The following HDAC6 variants were observed in gnomAD, a reference collection of about 807,000 sequenced individuals.
The protein encoded by HDAC6 is protein deacetylase HDAC6.
In HDAC6, 5 loss-of-function variants were observed where a neutral mutation model predicts 88.9. The ratio of observed to expected loss-of-function variants is 0.06; its 90% CI spans 0.03 to 0.12. The LOEUF is 0.12. HDAC6 is among the 10% of genes least tolerant of loss of function. The probability of loss-of-function intolerance (pLI) is 1.00; values close to 1 mark genes in which losing one functional copy is unlikely to be tolerated. For missense variants in HDAC6, 706 were observed against 1,014.4 expected (o/e 0.70, Z 4.13); for synonymous variants, 378 against 398.0 (o/e 0.95, Z 0.60).
At position 48,815,714 on chromosome X, in the gene HDAC6, TC is replaced by T; in HGVS notation, c.1324+74del. The T allele has an allele frequency of 7.4e-6, 8 of 1,081,530 alleles. No homozygotes were observed. The South Asian group carries it at 1.3e-4, about 18-fold the overall frequency. The allele number at this position is 1,081,530 out of a possible 1,213,427, so 89.1% of individuals were successfully genotyped here. A position where few individuals can be genotyped will look rare whatever the true frequency, so the allele number is the denominator to read the frequency against. On this transcript the variant is annotated intron_variant, in intron 16 of 28. Transcript: ENST00000334136. ...CCCTGGGGGAGACTGTCTTCAGACT[TC>T]CTCTGACTTTACTGGGCTGCCTTGG...
At chrX:48,812,993 C>T (rs1368167907) in intron 10 of HDAC6, among the ~76,000 whole-genome samples, 2 of 111,474 alleles carry the variant, frequency 1.8e-5, no homozygotes, top group Admixed American at 1.9e-4. Context: ...CTGCAACCTC[C>T]GCCTCCTGGG....
At position 48,814,609 on chromosome X, in the gene HDAC6, C is replaced by A. The variant is rs191082746; in HGVS notation, c.933+43C>A. ...TCTGCCCCCAAAGTGAGGCCCAGCC[C>A]CGCCCTTCTGTCAGCGGCTCGGGAC... On this transcript the variant is annotated intron_variant, in intron 11 of 28. Transcript: ENST00000334136. 1.9e-3 allele frequency: 2,253 copies of A among 1,206,679 alleles called. 3 individuals are homozygous for A. The highest frequency in any genetic ancestry group is 2.3e-3 in the Non-Finnish European group (2,034 of 892,189).
At position 48,814,274 on chromosome X, in the gene HDAC6, A is replaced by G. The variant is rs1376486726; in HGVS notation, c.807-166A>G. ...AATGTAAGGGTAAATTAATGGAAGA[A>G]TGGATTCATGGATTAAATAATTAAT... is the stretch of plus-strand genomic sequence containing the variant. On this transcript the variant is annotated intron_variant, in intron 10 of 28. Transcript: ENST00000334136. 1.6e-5 allele frequency: 8 copies of G among 493,850 alleles called. No individual in the cohort carries two copies. The Admixed American group carries it at 3.0e-4, about 19-fold the overall frequency. 40.7% of individuals were successfully genotyped at this position (493,850 alleles called of 1,213,427 possible).
At chrX:48,817,576 A>G in intron 20 of HDAC6, 117 bp downstream of exon 20, 1 of 720,534 alleles carries the variant, frequency 1.4e-6, no homozygotes, top group Non-Finnish European at 2.0e-6. Flanking sequence ...CTTCCCCAGA[A>G]AGAAGTAAGG....
At chrX:48,820,821 G>GT (rs2063068584) in intron 23 of HDAC6, among the ~76,000 whole-genome samples, 1 of 110,379 alleles carries the variant, frequency 9.1e-6, no homozygotes, top group East Asian at 2.8e-4. Context: ...TTTGGATCTG[G>GT]TTTTTTGTTG....
chrX:48,816,312 G>T (rs782474120), intron 18 of HDAC6, 43 bp downstream of exon 18: 1 of 1,182,486 alleles, frequency 8.5e-7, no homozygotes, highest in Non-Finnish European at 1.1e-6. Context: ...CCAGGACTGT[G>T]GATGAGGTCT....
At chrX:48,822,548 C>T (rs1201555146) in intron 23 of HDAC6, 72 bp from the exon 24 acceptor site, 2 of 856,535 alleles carry the variant, frequency 2.3e-6, no homozygotes, top group South Asian at 2.7e-5. Context: ...ATTGGGGAGG[C>T]AGGACATGTT....
intron 10 of HDAC6, 124 bp from the exon 11 acceptor site, chrX:48,814,316 G>T (rs2062947245): frequency 1.5e-6 from 1 of 648,212 alleles, no homozygotes; most frequent in African/African-American, 2.2e-5. Context: ...ATTAATGAAT[G>T]AGAGAATGAA....
At chrX:48,818,002 T>C in intron 20 of HDAC6, 39 bp from the exon 21 acceptor site, 2 of 1,140,987 alleles carry the variant, frequency 1.8e-6, no homozygotes, top group Non-Finnish European at 2.4e-6. Flanking sequence ...TTCCAGGGCG[T>C]GAGTATCGTC....
Position 48,808,020 on chromosome X carries a change from T to G in HDAC6, c.633-13T>G, listed in dbSNP as rs2062844966. ...TCACATACTCCAAGCTGTTATTTCCTTGTCTTGCCCAGGCCTCCTGGACAT... is the reference window on the plus strand; with the variant it reads ...TCACATACTCCAAGCTGTTATTTCCGTGTCTTGCCCAGGCCTCCTGGACAT... On this transcript the variant is annotated splice_polypyrimidine_tract_variant and intron_variant, in intron 8 of 28. Transcript: ENST00000334136. 1 of 1,162,453 alleles carries G rather than the reference T, an allele frequency of 8.6e-7. No individual in the cohort carries two copies.
intron 10 of HDAC6, 60 bp downstream of exon 10, chrX:48,808,386 C>T: frequency 1.2e-6 from 1 of 854,987 alleles, no homozygotes; most frequent in Non-Finnish European, 1.7e-6. Context: ...CTTACAGGCC[C>T]AGCCAGAAGG....
At chrX:48,814,348 G>A in intron 10 of HDAC6, 92 bp from the exon 11 acceptor site, 1 of 904,919 alleles carries the variant, frequency 1.1e-6, no homozygotes, top group South Asian at 2.3e-5. Flanking sequence ...ATGGGGAAAT[G>A]AGTGGTAGAG....
At position 48,823,786 on chromosome X, in the gene HDAC6, G is replaced by GT. The variant is rs782585905; in HGVS notation, c.3303+2dup. ...GGGATCTAGGGGCCTCACTGATCAG[G>GT]TGAGCTCAGGGAGAGGCTGGGACTG... On this transcript the variant is annotated splice_donor_variant, in intron 26 of 28. Transcript: ENST00000334136. LOFTEE classifies it high-confidence loss of function. The GT allele has an allele frequency of 4.2e-6, 5 of 1,198,429 alleles. No individual in the cohort carries two copies. Among genetic ancestry groups the GT allele is most frequent in the African/African-American group, 1.8e-5 (1 of 56,841 alleles).
chrX:48,802,907 A>T lies in HDAC6; in HGVS notation c.130A>T (p.Ile44Phe). The change falls in exon 3 of 29, where the codon ATC (isoleucine) becomes TTC (phenylalanine). Residue 44 changes from isoleucine (I) to phenylalanine (F), a missense_variant. Ile to Phe is a conservative substitution (Grantham distance 21). This residue lies in a region of HDAC6 where 193 missense variants were observed against 258.2 expected (regional missense o/e 0.75). Coordinates refer to ENST00000334136, the MANE Select transcript of HDAC6 (RefSeq NM_006044.4). ...NIKKGAVPRS[I>F]PNLAEVKKKG... ...TAAAAAGGGAGCCGTTCCCCGCTCT[A>T]TCCCCAATCTAGCGGAGGTAAAGAA... 1 of 1,209,330 alleles carries T rather than the reference A, an allele frequency of 8.3e-7. No individual in the cohort carries two copies. Among genetic ancestry groups the T allele is most frequent in the South Asian group, 1.8e-5 (1 of 56,534 alleles).
Position 48,823,499 on chromosome X carries a change from A to G in HDAC6, c.3100A>G (p.Thr1034Ala), listed in dbSNP as rs781933748. ...ASSTDHQTPP[T>A]SPVQGTTPQI... is the part of the protein sequence containing the mutation. ...GAGCACAGACCACCAGACCCCCCCA[A>G]CCTCACCTGTGCAGGGAACTACACC... The change falls in exon 25 of 29, where the codon ACC (threonine) becomes GCC (alanine). Residue 1034 changes from threonine (T) to alanine (A), a missense_variant. Around this residue, in one of 9 missense-constraint regions of HDAC6, gnomAD observed 112 missense variants for 95.1 expected, o/e 1.18. Coordinates refer to ENST00000334136, the MANE Select transcript of HDAC6 (RefSeq NM_006044.4). 7.5e-5 allele frequency: 91 copies of G among 1,207,972 alleles called. No homozygotes were observed. The highest frequency in any genetic ancestry group is 4.6e-4 in the Middle Eastern group (2 of 4,371).
At chrX:48,824,977 C>T, downstream of HDAC6, 2 of 997,469 alleles carry the variant, frequency 2.0e-6, no homozygotes, top group Non-Finnish European at 2.6e-6. Flanking sequence ...TGTTAAAAAA[C>T]CTGGAGAAAG....
chrX:48,820,482 C>T (rs1005955125), intron 23 of HDAC6, among the ~76,000 whole-genome samples: 6 of 106,119 alleles, frequency 5.7e-5, no homozygotes, highest in Admixed American at 1.0e-4. Flanking sequence ...CATTCAGTTA[C>T]TTGGCAAAGC....
chrX:48,807,702 CG>C (rs1198192960), intron 8 of HDAC6, among the ~76,000 whole-genome samples: 3 of 111,546 alleles, frequency 2.7e-5, no homozygotes, highest in African/African-American at 9.8e-5. Context: ...TTAGTAGAGA[CG>C]GGGTTTCACC....
At position 48,803,270 on chromosome X, in the gene HDAC6, A is replaced by C. The variant is rs2062758561; in HGVS notation, c.311+54A>C. The C allele has an allele frequency of 1.5e-5, 14 of 911,768 alleles. No individual in the cohort carries two copies. The Admixed American group carries it at 3.4e-4, about 22-fold the overall frequency. The allele number at this position is 911,768 out of a possible 1,213,427, so 75.1% of individuals were successfully genotyped here. A position where few individuals can be genotyped will look rare whatever the true frequency, so the allele number is the denominator to read the frequency against. On this transcript the variant is annotated intron_variant, in intron 4 of 28. Coordinates refer to ENST00000334136, the MANE Select transcript of HDAC6 (RefSeq NM_006044.4). ...AAACCACAAAAATACACACACTTAG[A>C]GCCCATTAGCAAGAATAAATCTTTT...
Sources: allele counts gnomAD v4.1 joint callset (sites outside exome capture counted in the v4.1 genomes callset), GRCh38; gene constraint gnomAD v4.1.1; regional missense constraint gnomAD v4.1.1; transcripts MANE v1.5; gene names NCBI Gene and HGNC (gene_info 2026-07-23, HGNC 2026-07-21).